The following CERT1 variants were observed in gnomAD, a reference collection of about 807,000 sequenced individuals.
The protein encoded by CERT1 is ceramide transporter 1, also known as ceramide transfer protein.
In CERT1, 31 loss-of-function variants were observed where a neutral mutation model predicts 87.9. The ratio of observed to expected loss-of-function variants is 0.35; its 90% CI spans 0.27 to 0.48. CERT1 has a LOEUF of 0.48. Among genes scored for constraint, CERT1 ranks in the 20% least tolerant of loss-of-function variants. CERT1 has a pLI of 0.99. For synonymous variants in CERT1, 289 were observed against 250.9 expected (o/e 1.15, Z -1.44); for missense variants, 487 against 758.0 (o/e 0.64, Z 4.20).
In CERT1 at chr5:75,419,435, T is replaced by A. The variant is rs1332257339; in HGVS notation, c.596-11A>T. On this transcript the variant is annotated splice_polypyrimidine_tract_variant and intron_variant, in intron 5 of 16. Transcript: ENST00000643780. ...CATCATCTTCTACCACTAAATAAAA[T>A]ATATTTAAGGAAATTAGGATGAAAA... 1 of 1,554,926 alleles carries A rather than the reference T, an allele frequency of 6.4e-7. No homozygotes were observed. The highest frequency in any genetic ancestry group is 1.4e-5 in the African/African-American group (1 of 73,454).
At chr5:75,369,439 G>C (rs1306716069) in intron 17 of CERT1, 2 of 152,008 alleles carry the variant, frequency 1.3e-5, no homozygotes, top group Admixed American at 1.3e-4. Context: ...CTTCAAGCAT[G>C]TTAGCTCTTT....
chr5:75,455,601 T>G (rs1289691595), intron 3 of CERT1, among the ~76,000 whole-genome samples: 1 of 152,188 alleles, frequency 6.6e-6, no homozygotes, highest in Non-Finnish European at 1.5e-5. Flanking sequence ...TGAAATCCGC[T>G]ACTGAAACAG....
intron 14 of CERT1, among the ~76,000 whole-genome samples, chr5:75,384,424 A>G (rs1015155552): frequency 2.6e-5 from 4 of 152,212 alleles, no homozygotes; most frequent in Admixed American, 2.6e-4. Flanking sequence ...CAAGCACTCT[A>G]TTTCTAGATT....
At chr5:75,410,933 C>T (rs1256054394) in intron 8 of CERT1, 78 bp downstream of exon 8, 2 of 719,162 alleles carry the variant, frequency 2.8e-6, no homozygotes, top group South Asian at 3.9e-5. Flanking sequence ...TTAAAGGTTA[C>T]AAGAGTATTA....
At chr5:75,460,697 C>T (rs963045130) in intron 2 of CERT1, among the ~76,000 whole-genome samples, 3 of 152,230 alleles carry the variant, frequency 2.0e-5, no homozygotes, top group Non-Finnish European at 4.4e-5. Flanking sequence ...CAATTTACAT[C>T]CTGTACTCCT....
chr5:75,447,188 C>G (rs1318953733), intron 3 of CERT1, among the ~76,000 whole-genome samples: 1 of 152,116 alleles, frequency 6.6e-6, no homozygotes, highest in African/African-American at 2.4e-5. Flanking sequence ...ATTTACCACT[C>G]AAGCCTTCCC....
chr5:75,502,227 G>C (rs1008624126), intron 2 of CERT1, among the ~76,000 whole-genome samples: 10 of 152,092 alleles, frequency 6.6e-5, no homozygotes, highest in African/African-American at 2.4e-4. Context: ...GATAAAAAGT[G>C]CAATTTAAAA....
chr5:75,447,477 T>TA (rs575951035), intron 3 of CERT1, among the ~76,000 whole-genome samples: 14 of 129,546 alleles, frequency 1.1e-4, no homozygotes, highest in East Asian at 8.1e-4. Context: ...TTTATTTATT[T>TA]TTTATTTTTT....
chr5:75,388,396 A>G (rs1241432255), intron 12 of CERT1, among the ~76,000 whole-genome samples: 3 of 151,830 alleles, frequency 2.0e-5, no homozygotes, highest in Admixed American at 1.3e-4. Context: ...TGCTCACATT[A>G]TAATTTTTTT....
chr5:75,462,459 C>T (rs754792431), intron 2 of CERT1, among the ~76,000 whole-genome samples: 3 of 152,210 alleles, frequency 2.0e-5, no homozygotes, highest in Non-Finnish European at 4.4e-5. Flanking sequence ...GCTGATCTGA[C>T]AGGAGGCAGA....
chr5:75,488,336 A>AT (rs931741062), intron 2 of CERT1, among the ~76,000 whole-genome samples: 11 of 151,864 alleles, frequency 7.2e-5, no homozygotes, highest in African/African-American at 1.9e-4. Flanking sequence ...TACTCATAAT[A>AT]TTTTTTTTAA....
At chr5:75,450,699 A>C (rs1764736145) in intron 3 of CERT1, among the ~76,000 whole-genome samples, 1 of 152,168 alleles carries the variant, frequency 6.6e-6, no homozygotes, top group African/African-American at 2.4e-5. Flanking sequence ...ATCTTAACCC[A>C]GCCACTTCTT....
At chr5:75,387,373 T>C (rs1055467959) in intron 12 of CERT1, among the ~76,000 whole-genome samples, 1 of 152,186 alleles carries the variant, frequency 6.6e-6, no homozygotes, top group Non-Finnish European at 1.5e-5. Context: ...TAGGCTTTCA[T>C]CACTTTGTGC....
intron 3 of CERT1, among the ~76,000 whole-genome samples, chr5:75,435,784 T>C (rs1249311253): frequency 1.3e-5 from 2 of 152,128 alleles, no homozygotes; most frequent in Non-Finnish European, 2.9e-5. Context: ...AAGCACCTGC[T>C]GTACTGGAGG....
intron 7 of CERT1, among the ~76,000 whole-genome samples, chr5:75,414,494 C>A (rs1162836877): frequency 6.6e-6 from 1 of 152,086 alleles, no homozygotes; most frequent in Non-Finnish European, 1.5e-5. Flanking sequence ...AAAGTACACA[C>A]CTGTGAATCT....
At chr5:75,444,119 G>A (rs1764437095) in intron 3 of CERT1, among the ~76,000 whole-genome samples, 1 of 152,056 alleles carries the variant, frequency 6.6e-6, no homozygotes, top group South Asian at 2.1e-4. Context: ...GCAGTGGCGT[G>A]ATCTTGGCTC....
rs1761611239 is a variant in CERT1, at chr5:75,382,096, C to G, written c.1489-19G>C. 1.9e-6 allele frequency: 3 copies of G among 1,604,342 alleles called. No individual in the cohort carries two copies. The East Asian group carries it at 6.7e-5, about 36-fold the overall frequency. On this transcript the variant is annotated intron_variant, in intron 14 of 16. Transcript: ENST00000643780. ...ACACCCTCTGTGGAGAAGTAAAAAT[C>G]TTTTGAAAAACAGATCTAACATGGA...
intron 1 of CERT1, 90 bp downstream of exon 1, chr5:75,511,022 C>G: frequency 7.0e-7 from 1 of 1,429,476 alleles, no homozygotes. Flanking sequence ...ACGTTCCGCG[C>G]CTCCCGCCAG....
chr5:75,504,328 TTA>T (rs1243449753), intron 2 of CERT1, among the ~76,000 whole-genome samples: 1 of 152,114 alleles, frequency 6.6e-6, no homozygotes, highest in Non-Finnish European at 1.5e-5. Context: ...TACTGAGCCT[TTA>T]TGTTAAAGCT....
Sources: allele counts gnomAD v4.1 joint callset (sites outside exome capture counted in the v4.1 genomes callset), GRCh38; gene constraint gnomAD v4.1.1; transcripts MANE v1.5; gene names NCBI Gene and HGNC (gene_info 2026-07-23, HGNC 2026-07-21).